MBTPS1: variants seen among roughly 807,000 people sequenced by gnomAD.
The protein encoded by MBTPS1 is membrane-bound transcription factor site-1 protease.
MBTPS1 carries 94 observed loss-of-function variants against 127.8 expected under a neutral mutation model. The observed-to-expected ratio is 0.74, with a 90% confidence interval of 0.62 to 0.87. MBTPS1 has a LOEUF of 0.87. MBTPS1 is among the 40% of genes least tolerant of loss of function. The pLI, the probability that MBTPS1 is intolerant of heterozygous loss-of-function variation, is 0.00. For synonymous variants in MBTPS1, 632 were observed against 509.4 expected, an observed-to-expected ratio of 1.24 and a Z score of -3.24; for missense variants, 1,636 against 1,353.2, an observed-to-expected ratio of 1.21 and a Z score of -3.28.
intron 14 of MBTPS1, 151 bp from the exon 15 acceptor site, chr16:84,068,605 G>C (rs2085725385): frequency 3.2e-6 from 2 of 629,094 alleles, no homozygotes; most frequent in Non-Finnish European, 2.9e-6. Context: ...CATCAGCTTA[G>C]GAGACCTGTG....
At chr16:84,102,816 T>C (rs1174805571) in intron 1 of MBTPS1, among the ~76,000 whole-genome samples, 1 of 152,266 alleles carries the variant, frequency 6.6e-6, no homozygotes, top group Non-Finnish European at 1.5e-5. Flanking sequence ...TATGCTTTAA[T>C]ATTACATAGT....
chr16:84,081,283 G>C (rs2085936272), intron 11 of MBTPS1, among the ~76,000 whole-genome samples: 1 of 152,228 alleles, frequency 6.6e-6, no homozygotes, highest in Non-Finnish European at 1.5e-5. Context: ...GGCCGGACGG[G>C]AGTACCACAG....
At chr16:84,098,645 AAC>A (rs575019059) in intron 3 of MBTPS1, among the ~76,000 whole-genome samples, 268 of 152,224 alleles carry the variant, frequency 1.8e-3, no homozygotes, top group Non-Finnish European at 3.2e-3. Flanking sequence ...GAAAAAATAA[AAC>A]ACACACTGAG....
intron 1 of MBTPS1, among the ~76,000 whole-genome samples, chr16:84,107,851 G>A (rs149017821): frequency 4.0e-5 from 6 of 150,628 alleles, no homozygotes; most frequent in Non-Finnish European, 5.9e-5. Flanking sequence ...ACTACAATAC[G>A]GCACTATGTC....
intron 1 of MBTPS1, among the ~76,000 whole-genome samples, chr16:84,106,384 A>G (rs922415731): frequency 3.9e-5 from 6 of 152,210 alleles, no homozygotes; most frequent in African/African-American, 1.4e-4. Context: ...CTACAGCACT[A>G]CCTACAGCAG....
chr16:84,085,594 A>C (rs1478585069), intron 9 of MBTPS1, among the ~76,000 whole-genome samples: 1 of 141,490 alleles, frequency 7.1e-6, no homozygotes, highest in African/African-American at 2.6e-5. Context: ...AAAAAAAGAG[A>C]AAAAAACAAA....
rs145331521 is a variant in MBTPS1 at position 84,099,246 on chromosome 16, G to A, written c.228C>T (p.Ala76=). 8 of 1,613,786 alleles carry A rather than the reference G, an allele frequency of 5.0e-6. No homozygotes were observed. Among genetic ancestry groups the A allele is most frequent in the Non-Finnish European group, 6.8e-6 (8 of 1,179,934 alleles). Residue 76 remains alanine (A), a synonymous_variant, in exon 3 of 23, where the codon GCC becomes GCT. Coordinates refer to ENST00000343411, the MANE Select transcript of MBTPS1 (RefSeq NM_003791.4). ...AKARNSFISS[A]LKSSEVDNWR... ...AATTGTCTACTTCACTGCTCTTCAG[G>A]GCACTTGAAATAAATGAATTTCTAG...
rs764309349 is a variant in MBTPS1, at chr16:84,054,420, C to G, written c.*29G>C. 7.0e-6 allele frequency: 11 copies of G among 1,565,668 alleles called. No homozygotes were observed. Among genetic ancestry groups the G allele is most frequent in the African/African-American group, 1.4e-5 (1 of 73,842 alleles). ...CCAGCGCCGTCCGTGAAGGCTCTCT[C>G]TGGCCCTCACGGTCAGCCAGGCTGC... On this transcript the variant is annotated 3_prime_UTR_variant, in exon 23 of 23. Coordinates refer to ENST00000343411, the MANE Select transcript of MBTPS1 (RefSeq NM_003791.4).
chr16:84,096,102 T>C lies in MBTPS1; in HGVS notation c.422-297A>G, dbSNP rs2086176285. On this transcript the variant is annotated intron_variant, in intron 3 of 22. Coordinates refer to ENST00000343411, the MANE Select transcript of MBTPS1 (RefSeq NM_003791.4). ...AATTTTAAAAAGCTAATTGTGATAA[T>C]AAAAATAAAGAAAAACCTGATTTTC... 2.0e-5 allele frequency among the ~76,000 whole-genome samples: 3 copies of C among 152,206 alleles called. 1 individual carries two copies. The highest frequency in any genetic ancestry group is 2.4e-5 in the African/African-American group (1 of 41,534).
chr16:84,098,991 T>G (rs573678395), intron 3 of MBTPS1, 62 bp downstream of exon 3: 151 of 1,482,266 alleles, frequency 1.0e-4, no homozygotes, highest in Middle Eastern at 1.7e-4. Flanking sequence ...TCAACTACTC[T>G]GCAGTTTGAG....
At chr16:84,094,423 A>G (rs561348978) in intron 4 of MBTPS1, among the ~76,000 whole-genome samples, 7 of 152,234 alleles carry the variant, frequency 4.6e-5, no homozygotes, top group Non-Finnish European at 1.0e-4. Context: ...GCACTTTTCT[A>G]TAATAGTAAG....
chr16:84,094,637 G>C (rs904647297), intron 4 of MBTPS1, among the ~76,000 whole-genome samples: 5 of 152,144 alleles, frequency 3.3e-5, no homozygotes, highest in African/African-American at 4.8e-5. Flanking sequence ...ATTAAACTGA[G>C]ATAAATATAA....
At chr16:84,060,441 G>A (rs758990299) in intron 20 of MBTPS1, 2 of 452,092 alleles carry the variant, frequency 4.4e-6, no homozygotes, top group South Asian at 3.1e-5. Flanking sequence ...CGTGAGGGTC[G>A]GGGTGCACGT....
At chr16:84,059,539 A>C in intron 20 of MBTPS1, 111 bp from the exon 21 acceptor site, 1 of 1,008,584 alleles carries the variant, frequency 9.9e-7, no homozygotes, top group Non-Finnish European at 1.5e-6. Flanking sequence ...AACACAGCAC[A>C]GAGCCCCTGT....
At chr16:84,087,552 C>T (rs2086048217) in intron 8 of MBTPS1, 92 bp from the exon 9 acceptor site, 2 of 801,452 alleles carry the variant, frequency 2.5e-6, no homozygotes, top group African/African-American at 1.7e-5. Context: ...AGGGCGAATA[C>T]TCCCAGAACA....
chr16:84,074,814 C>CA, intron 11 of MBTPS1, 73 bp from the exon 12 acceptor site: 1 of 1,391,744 alleles, frequency 7.2e-7, no homozygotes, highest in Non-Finnish European at 9.9e-7. Context: ...CTGTACAAGA[C>CA]AGAGTTAACA....
intron 10 of MBTPS1, 126 bp downstream of exon 10, chr16:84,084,857 G>A (rs2085997050): frequency 1.1e-6 from 1 of 890,220 alleles, no homozygotes; most frequent in African/African-American, 1.7e-5. Flanking sequence ...GACAGAGCAA[G>A]GCTGTGAAGG....
rs1395250585 is a variant in MBTPS1, at chr16:84,085,580, C to G, written c.1135-446G>C. Among the ~76,000 whole-genome samples, 206 of 104,790 alleles carry G rather than the reference C, an allele frequency of 2.0e-3. 4 individuals carry two copies. The highest frequency in any genetic ancestry group is 4.1e-3 in the Middle Eastern group (1 of 242). The allele number at this position is 104,790 out of a possible 152,430, so 68.7% of individuals were successfully genotyped here. A position where few individuals can be genotyped will look rare whatever the true frequency, so the allele number is the denominator to read the frequency against. On this transcript the variant is annotated intron_variant, in intron 9 of 22. Coordinates refer to ENST00000343411, the MANE Select transcript of MBTPS1 (RefSeq NM_003791.4). ...CCTCAGCCCCGCACCCGCCCCCCCC[C>G]CAAAAAAAAAGAGAAAAAAACAAAG...
intron 11 of MBTPS1, among the ~76,000 whole-genome samples, chr16:84,080,411 C>A (rs917397909): frequency 6.6e-6 from 1 of 152,222 alleles, no homozygotes; most frequent in African/African-American, 2.4e-5. Context: ...AAGGCCATCT[C>A]GAAACATGCC....
Sources: gnomAD v4.1 joint callset for allele counts (sites outside exome capture counted in the v4.1 genomes callset) on GRCh38, gnomAD v4.1.1 for gene constraint, MANE v1.5 for transcripts, NCBI Gene and HGNC (gene_info 2026-07-23, HGNC 2026-07-21) for gene names.